Variants in TBC1D4 observed in about 807,000 individuals in gnomAD.
TBC1D4 encodes TBC1 domain family member 4.
In TBC1D4, 121 loss-of-function variants were observed where a neutral mutation model predicts 142.5. That is an observed-to-expected ratio of 0.85 (90% confidence interval 0.73 to 0.99). The LOEUF is 0.99. Among genes scored for constraint, TBC1D4 ranks in the 50% least tolerant of loss-of-function variants. The pLI, the probability that TBC1D4 is intolerant of heterozygous loss-of-function variation, is 0.00. For missense variants in TBC1D4, 1,475 were observed against 1,606.6 expected, an observed-to-expected ratio of 0.92 and a Z score of 1.40; for synonymous variants, 630 against 628.2, an observed-to-expected ratio of 1.00 and a Z score of -0.04.
At chr13:75,328,642 A>G (rs1441472866) in intron 8 of TBC1D4, among the ~76,000 whole-genome samples, 1 of 152,196 alleles carries the variant, frequency 6.6e-6, no homozygotes, top group East Asian at 1.9e-4. Context: ...GAGGAGTTCC[A>G]CACAACTCTA....
chr13:75,394,365 A>T (rs903775106), intron 1 of TBC1D4, among the ~76,000 whole-genome samples: 3 of 152,242 alleles, frequency 2.0e-5, no homozygotes, highest in African/African-American at 7.2e-5. Flanking sequence ...ACAGATTTAC[A>T]ATCTAGCCAT....
At chr13:75,401,948 T>C (rs909292460) in intron 1 of TBC1D4, among the ~76,000 whole-genome samples, 2 of 152,250 alleles carry the variant, frequency 1.3e-5, no homozygotes, top group African/African-American at 4.8e-5. Context: ...TGAAAACCTG[T>C]GGACTTTTGC....
intron 5 of TBC1D4, among the ~76,000 whole-genome samples, chr13:75,343,644 G>C (rs989880476): frequency 3.9e-5 from 6 of 151,954 alleles, no homozygotes; most frequent in African/African-American, 1.5e-4. Context: ...AGCCTTCCGA[G>C]TAGCTAGGAT....
In TBC1D4 at chr13:75,337,128, A is replaced by G. The variant is rs1234970784; in HGVS notation, c.1612-88T>C. On this transcript the variant is annotated intron_variant, in intron 7 of 20. Coordinates refer to ENST00000377636, the MANE Select transcript of TBC1D4 (RefSeq NM_014832.5). Reference sequence around the variant, plus strand: ...TTATAGGCTTAAGACTAAGCTATTAAAAAACACAAGAATTCTTCAGTAGCT... The same window carrying G: ...TTATAGGCTTAAGACTAAGCTATTAGAAAACACAAGAATTCTTCAGTAGCT... 3.2e-6 allele frequency: 4 copies of G among 1,267,856 alleles called. No homozygotes were observed. In the African/African-American group the frequency reaches 5.9e-5, roughly 19 times the overall value. The allele number at this position is 1,267,856 out of a possible 1,614,324, so 78.5% of individuals were successfully genotyped here.
intron 5 of TBC1D4, among the ~76,000 whole-genome samples, chr13:75,341,998 T>C (rs1004593204): frequency 6.6e-6 from 1 of 152,152 alleles, no homozygotes; most frequent in Non-Finnish European, 1.5e-5. Context: ...CTGACAAGCA[T>C]GAAGCAAATT....
chr13:75,315,921 TAGTA>T (rs1365343613), intron 12 of TBC1D4, among the ~76,000 whole-genome samples: 2 of 152,228 alleles, frequency 1.3e-5, no homozygotes, highest in African/African-American at 2.4e-5. Context: ...ATATTTTTTC[TAGTA>T]AGTGTTATTC....
At position 75,481,499 on chromosome 13, in the gene TBC1D4, A is replaced by G; in HGVS notation, c.269T>C (p.Phe90Ser). The G allele has an allele frequency of 6.2e-7, 1 of 1,611,804 alleles. No homozygotes were observed. Among genetic ancestry groups the G allele is most frequent in the Non-Finnish European group, 8.5e-7 (1 of 1,178,908 alleles). The change falls in exon 1 of 21, where the codon TTC becomes TCC. Residue 90 changes from phenylalanine to serine, a missense_variant. Phe to Ser is a radical substitution (Grantham distance 155, BLOSUM62 -2). Coordinates refer to ENST00000377636, the MANE Select transcript of TBC1D4 (RefSeq NM_014832.5). The part of the protein sequence containing the change: ...REVILVLSAP[F>S]LRCVPAPGAG... ...GCCCGGCGCGGGGACGCAACGCAGG[A>G]AGGGCGCGCTGAGCACCAGGATCAC...
At chr13:75,448,112 G>A (rs977829556) in intron 1 of TBC1D4, among the ~76,000 whole-genome samples, 17 of 152,246 alleles carry the variant, frequency 1.1e-4, no homozygotes, top group African/African-American at 3.9e-4. Context: ...AAAGGTTGGG[G>A]ACTGCTGTTC....
chr13:75,371,118 G>GA (rs950500010), intron 1 of TBC1D4, among the ~76,000 whole-genome samples: 4 of 152,154 alleles, frequency 2.6e-5, no homozygotes, highest in African/African-American at 7.2e-5. Context: ...ACTTTGACAA[G>GA]AAAAAATGGT....
chr13:75,389,398 A>C (rs1884348798), intron 1 of TBC1D4, among the ~76,000 whole-genome samples: 1 of 152,222 alleles, frequency 6.6e-6, no homozygotes, highest in Non-Finnish European at 1.5e-5. Flanking sequence ...TTAGGCCACA[A>C]CCACATCTTT....
chr13:75,296,201 C>A (rs1477038023), intron 17 of TBC1D4, among the ~76,000 whole-genome samples: 3 of 151,226 alleles, frequency 2.0e-5, no homozygotes, highest in Non-Finnish European at 4.4e-5. Context: ...TAGCTGGAGT[C>A]AAAGTTTTTT....
chr13:75,358,676 G>A (rs985270500), intron 3 of TBC1D4, among the ~76,000 whole-genome samples: 6 of 151,814 alleles, frequency 4.0e-5, no homozygotes, highest in African/African-American at 7.3e-5. Context: ...ATGAGACCTC[G>A]TCTCTACAAA....
intron 1 of TBC1D4, among the ~76,000 whole-genome samples, chr13:75,435,314 G>A (rs1886753695): frequency 7.1e-6 from 1 of 140,508 alleles, no homozygotes; most frequent in Non-Finnish European, 1.5e-5. Flanking sequence ...GGAGACAGAG[G>A]GAGATTCTGT....
intron 1 of TBC1D4, among the ~76,000 whole-genome samples, chr13:75,451,830 A>C (rs757564054): frequency 8.6e-5 from 13 of 151,004 alleles, no homozygotes; most frequent in Admixed American, 3.3e-4. Context: ...TATATAACAA[A>C]TGTGTATATA....
At chr13:75,396,115 A>G (rs1884785318) in intron 1 of TBC1D4, among the ~76,000 whole-genome samples, 1 of 152,208 alleles carries the variant, frequency 6.6e-6, no homozygotes, top group South Asian at 2.1e-4. Context: ...TAAGGGGTAA[A>G]TGTTTAATCC....
At chr13:75,404,108 A>G (rs912288117) in intron 1 of TBC1D4, among the ~76,000 whole-genome samples, 2 of 146,302 alleles carry the variant, frequency 1.4e-5, no homozygotes, top group East Asian at 3.9e-4. Context: ...CAAAGGCAAT[A>G]GTTACGTGAA....
chr13:75,321,264 C>T (rs909352548), intron 11 of TBC1D4, among the ~76,000 whole-genome samples: 2 of 152,004 alleles, frequency 1.3e-5, no homozygotes, highest in Non-Finnish European at 2.9e-5. Context: ...CTCTCTAAAA[C>T]AAGTGATAAT....
chr13:75,467,975 C>T (rs1888238485), intron 1 of TBC1D4, among the ~76,000 whole-genome samples: 1 of 152,170 alleles, frequency 6.6e-6, no homozygotes, highest in Admixed American at 6.5e-5. Context: ...TCTTACTCTT[C>T]TCTGACCTCA....
intron 7 of TBC1D4, among the ~76,000 whole-genome samples, chr13:75,338,182 C>G (rs961057965): frequency 6.6e-6 from 1 of 151,512 alleles, no homozygotes; most frequent in Admixed American, 6.6e-5. Context: ...GGCTTCAGCA[C>G]AGTCTATGTA....
Sources: allele counts gnomAD v4.1 joint callset (sites outside exome capture counted in the v4.1 genomes callset), GRCh38; gene constraint gnomAD v4.1.1; transcripts MANE v1.5; gene names NCBI Gene and HGNC (gene_info 2026-07-23, HGNC 2026-07-21).